The following RASGRP2 variants were observed in gnomAD, a reference collection of about 807,000 sequenced individuals.
RASGRP2 encodes RAS guanyl releasing protein 2.
RASGRP2 carries 44 observed loss-of-function variants against 71.0 expected under a neutral mutation model. That is an observed-to-expected ratio of 0.62 (90% confidence interval 0.49 to 0.80). The LOEUF (loss-of-function observed/expected upper bound fraction) is 0.80, where lower values mean the gene tolerates loss of function less well. Among genes scored for constraint, RASGRP2 ranks in the 30% least tolerant of loss-of-function variants. The pLI, the probability that RASGRP2 is intolerant of heterozygous loss-of-function variation, is 0.00. For synonymous variants in RASGRP2, 350 were observed against 330.7 expected, an observed-to-expected ratio of 1.06 and a Z score of -0.63; for missense variants, 663 against 813.4, an observed-to-expected ratio of 0.82 and a Z score of 2.25.
intron 8 of RASGRP2, 73 bp from the exon 9 acceptor site, chr11:64,737,107 G>T: frequency 6.4e-7 from 1 of 1,573,878 alleles, no homozygotes; most frequent in Non-Finnish European, 8.7e-7. Flanking sequence ...ATGTAGGAGG[G>T]GGTGAGGAGG....
Position 64,739,675 on chromosome 11 carries a change from C to T in RASGRP2, c.657G>A (p.Gln219=). ...LMILSKPTAP[Q]RALVITHFVH... ...CAAAGTGTGTGATGACCAGGGCCCGCTGCGGGGCTGTGGGTTTGCTGAGGA... is the reference window on the plus strand; with the variant it reads ...CAAAGTGTGTGATGACCAGGGCCCGTTGCGGGGCTGTGGGTTTGCTGAGGA... Residue 219 remains glutamine, a synonymous_variant, in exon 7 of 17, where the codon CAG becomes CAA. Transcript: ENST00000394432. This position sits in a 1 kb window ranked among gnomAD's most constrained non-coding sequence, Gnocchi z 4.2. 1 of 1,613,952 alleles carries T rather than the reference C, an allele frequency of 6.2e-7. No individual in the cohort carries two copies. The highest frequency in any genetic ancestry group is 1.1e-5 in the South Asian group (1 of 91,076).
rs1487389032 is a variant in RASGRP2, at chr11:64,743,169, G to A, written c.-71-232C>T. 6.7e-6 allele frequency: 4 copies of A among 599,944 alleles called. No homozygotes were observed. Among genetic ancestry groups the A allele is most frequent in the Non-Finnish European group, 1.2e-5 (4 of 320,106 alleles). 37.2% of individuals were successfully genotyped at this position (599,944 alleles called of 1,614,324 possible). ...CCTCGGAGTCGCGGGAAGGCCGAGG[G>A]GCTTCACGAGGATGGGGACGAACCA... On this transcript the variant is annotated intron_variant, in intron 1 of 16. Coordinates refer to ENST00000394432, the MANE Select transcript of RASGRP2 (RefSeq NM_001098671.2). The surrounding 1 kb of genome is among the most constrained non-coding windows in gnomAD (Gnocchi z 4.9).
chr11:64,737,969 C>A (rs750733948), intron 8 of RASGRP2, among the ~76,000 whole-genome samples: 1 of 151,570 alleles, frequency 6.6e-6, no homozygotes, highest in Non-Finnish European at 1.5e-5. Flanking sequence ...TCACGTAAAC[C>A]CAGGAGACGG....
Position 64,743,304 on chromosome 11 carries a change from T to G in RASGRP2, c.-71-367A>C. On this transcript the variant is annotated intron_variant, in intron 1 of 16. Coordinates refer to ENST00000394432, the MANE Select transcript of RASGRP2 (RefSeq NM_001098671.2). The surrounding 1 kb of genome is among the most constrained non-coding windows in gnomAD (Gnocchi z 4.9). ...CAGCTCGGCTCTGCGCCCCTCCCGC[T>G]TCCCTCCCTCCACAGCCTCCCTTCC... 2.0e-5 allele frequency: 9 copies of G among 457,512 alleles called. No homozygotes were observed. The highest frequency in any genetic ancestry group is 3.5e-5 in the Non-Finnish European group (8 of 229,008). The allele number at this position is 457,512 out of a possible 1,614,324, so 28.3% of individuals were successfully genotyped here. A position where few individuals can be genotyped will look rare whatever the true frequency, so the allele number is the denominator to read the frequency against.
At position 64,739,528 on chromosome 11, in the gene RASGRP2, A is replaced by G; in HGVS notation, c.697-52T>C. 1 of 1,606,984 alleles carries G rather than the reference A, an allele frequency of 6.2e-7. No individual in the cohort carries two copies. The highest frequency in any genetic ancestry group is 1.3e-5 in the African/African-American group (1 of 74,906). On this transcript the variant is annotated intron_variant, in intron 7 of 16. Transcript: ENST00000394432. This position sits in a 1 kb window ranked among gnomAD's most constrained non-coding sequence, Gnocchi z 4.2. ...CAGGGAGTCACTGAGTGGGCCCAGA[A>G]TTTGGCCCAGCTTATCTAGAGAGAA...
intron 12 of RASGRP2, among the ~76,000 whole-genome samples, chr11:64,733,395 AAC>A (rs4014428): frequency 0.42 from 52,272 of 124,316 alleles, 11,542 homozygotes; most frequent in South Asian, 0.52. Flanking sequence ...CCCCCTCACC[AAC>A]ACACACACAC....
Position 64,739,825 on chromosome 11 carries a change from G to T in RASGRP2, c.523-16C>A. 6.2e-7 allele frequency: 1 copy of T among 1,613,430 alleles called. No homozygotes were observed. The highest frequency in any genetic ancestry group is 8.5e-7 in the Non-Finnish European group (1 of 1,179,850). Reference sequence around the variant, plus strand: ...AGTCCTGAAACTGGGGGCATGAGGAGTGGCCTCAGCACCTTGCTGGCCTCT... The same window carrying T: ...AGTCCTGAAACTGGGGGCATGAGGATTGGCCTCAGCACCTTGCTGGCCTCT... On this transcript the variant is annotated splice_polypyrimidine_tract_variant and intron_variant, in intron 6 of 16. Transcript: ENST00000394432. The surrounding 1 kb of genome is among the most constrained non-coding windows in gnomAD (Gnocchi z 4.2).
chr11:64,735,633 G>A lies in RASGRP2; in HGVS notation c.1205C>T (p.Pro402Leu). ...PTSPTSCTPP[P>L]RPPVLEEWTS... ...CCACTCCTCCAGTACCGGGGGCCGG[G>A]GTGGTGGGGTGCAACTCGTGGGGCT... is the stretch of plus-strand genomic sequence containing the variant. Residue 402 changes from proline (P) to leucine (L), a missense_variant, in exon 11 of 17, where the codon CCC becomes CTC. By Grantham distance (98) the Pro-to-Leu change is moderately conservative. Transcript: ENST00000394432. The surrounding 1 kb of genome is among the most constrained non-coding windows in gnomAD (Gnocchi z 4.2). The A allele has an allele frequency of 1.2e-6, 2 of 1,613,614 alleles. No homozygotes were observed. The highest frequency in any genetic ancestry group is 1.7e-6 in the Non-Finnish European group (2 of 1,179,856).
At position 64,735,351 on chromosome 11, in the gene RASGRP2, A is replaced by AC. The variant is rs1361688068; in HGVS notation, c.1297-125dup. On this transcript the variant is annotated intron_variant, in intron 11 of 16. Transcript: ENST00000394432. The surrounding 1 kb of genome is among the most constrained non-coding windows in gnomAD (Gnocchi z 4.2). ...GTGTCTCAGAGAGGTCTCTGACACC[A>AC]CCCCCGTTCCATACCTCCACCCCCA... is the stretch of plus-strand genomic sequence containing the variant. The AC allele has an allele frequency of 2.4e-6, 3 of 1,259,364 alleles. No homozygotes were observed. In the East Asian group the frequency reaches 7.2e-5, roughly 30 times the overall value. The allele number at this position is 1,259,364 out of a possible 1,614,324, so 78.0% of individuals were successfully genotyped here.
intron 14 of RASGRP2, 53 bp from the exon 15 acceptor site, chr11:64,729,095 C>G: frequency 1.3e-6 from 2 of 1,523,592 alleles, no homozygotes; most frequent in Non-Finnish European, 1.8e-6. Context: ...GAATACCCTC[C>G]ATCCCATCCC....
chr11:64,727,482 T>G, intron 15 of RASGRP2, 122 bp from the exon 16 acceptor site: 7 of 779,090 alleles, frequency 9.0e-6, no homozygotes, highest in Non-Finnish European at 1.3e-5. Context: ...CAAAAATCAA[T>G]TCCCTGCATG....
chr11:64,727,422 C>G, intron 15 of RASGRP2, 62 bp from the exon 16 acceptor site: 1 of 1,520,676 alleles, frequency 6.6e-7, no homozygotes, highest in South Asian at 1.1e-5. Context: ...ATCAACCCTT[C>G]CCCTCTCCAC....
intron 4 of RASGRP2, 146 bp downstream of exon 4, chr11:64,741,293 T>A: frequency 9.2e-7 from 1 of 1,088,538 alleles, no homozygotes; most frequent in Non-Finnish European, 1.4e-6. Flanking sequence ...CAGGAAGGGG[T>A]GAGCCTGTGG....
Position 64,735,458 on chromosome 11 carries a change from C to T in RASGRP2, c.1296+84G>A. The T allele has an allele frequency of 6.2e-7, 1 of 1,605,068 alleles. No homozygotes were observed. The highest frequency in any genetic ancestry group is 8.5e-7 in the Non-Finnish European group (1 of 1,177,362). On this transcript the variant is annotated intron_variant, in intron 11 of 16. Transcript: ENST00000394432. This position sits in a 1 kb window ranked among gnomAD's most constrained non-coding sequence, Gnocchi z 4.2. The stretch of plus-strand genomic sequence containing the variant: ...TAGGGGCTGAGTGCTGGGTCTTGAA[C>T]AGGACACTCGTGCTGGCTTCCAGGG...
At chr11:64,732,519 T>G (rs2057794308) in intron 12 of RASGRP2, among the ~76,000 whole-genome samples, 1 of 150,336 alleles carries the variant, frequency 6.7e-6, no homozygotes, top group Non-Finnish European at 1.5e-5. Context: ...TTAGGCTGGG[T>G]GAGGTGGCTC....
chr11:64,737,002 C>T lies in RASGRP2; in HGVS notation c.846G>A (p.Ala282=), dbSNP rs151064203. 142 of 1,613,892 alleles carry T rather than the reference C, an allele frequency of 8.8e-5. No homozygotes were observed. Among genetic ancestry groups the T allele is most frequent in the Admixed American group, 7.2e-4 (43 of 60,024 alleles). ...LWEGLTELVT[A]TGNYGNYRRR... is the part of the protein sequence containing the mutation. ...GCCGGTAGTTGCCATAGTTGCCTGT[C>T]GCCGTCACTAGTTCCGTGAGACCCT... Residue 282 remains alanine (A), a synonymous_variant, in exon 9 of 17, where the codon GCG becomes GCA. Coordinates refer to ENST00000394432, the MANE Select transcript of RASGRP2 (RefSeq NM_001098671.2).
intron 15 of RASGRP2, among the ~76,000 whole-genome samples, chr11:64,727,731 G>C (rs1436847492): frequency 1.3e-5 from 2 of 151,982 alleles, no homozygotes; most frequent in African/African-American, 4.8e-5. Context: ...TGGCCAGTCT[G>C]GTCTCCAACT....
In RASGRP2 at chr11:64,742,754, G is replaced by A. The variant is rs199767837; in HGVS notation, c.73+40C>T. ...GGCAGGGACCCGGGCTCAGACTCGG[G>A]GCTAGGCTCAGGCTCCGTGTGCCCT... On this transcript the variant is annotated intron_variant, in intron 2 of 16. Coordinates refer to ENST00000394432, the MANE Select transcript of RASGRP2 (RefSeq NM_001098671.2). This position sits in a 1 kb window ranked among gnomAD's most constrained non-coding sequence, Gnocchi z 4.7. 2.5e-4 allele frequency: 393 copies of A among 1,578,256 alleles called. 1 individual carries two copies. In the African/African-American group the frequency reaches 4.9e-3, roughly 19 times the overall value.
Position 64,735,347 on chromosome 11 carries a change from C to T in RASGRP2, c.1297-120G>A, listed in dbSNP as rs1409113690. On this transcript the variant is annotated intron_variant, in intron 11 of 16. Coordinates refer to ENST00000394432, the MANE Select transcript of RASGRP2 (RefSeq NM_001098671.2). The surrounding 1 kb of genome is among the most constrained non-coding windows in gnomAD (Gnocchi z 4.2). ...AGGTGTGTCTCAGAGAGGTCTCTGA[C>T]ACCACCCCCGTTCCATACCTCCACC... 2.4e-6 allele frequency: 3 copies of T among 1,261,052 alleles called. No individual in the cohort carries two copies. Among genetic ancestry groups the T allele is most frequent in the Admixed American group, 1.8e-5 (1 of 55,674 alleles). The allele number at this position is 1,261,052 out of a possible 1,614,324, so 78.1% of individuals were successfully genotyped here.
Sources: allele counts gnomAD v4.1 joint callset (sites outside exome capture counted in the v4.1 genomes callset), GRCh38; gene constraint gnomAD v4.1.1; non-coding constraint Gnocchi (gnomAD v3.1); transcripts MANE v1.5; gene names NCBI Gene and HGNC (gene_info 2026-07-23, HGNC 2026-07-21).